Variants in ATP9A observed in about 807,000 individuals in gnomAD.
ATP9A encodes the protein probable phospholipid-transporting ATPase IIA.
ATP9A carries 52 observed loss-of-function variants against 144.1 expected under a neutral mutation model. That is an observed-to-expected ratio of 0.36 (90% CI 0.29 to 0.45). The LOEUF (loss-of-function observed/expected upper bound fraction) is 0.45. Among genes scored for constraint, ATP9A ranks in the 20% least tolerant of loss-of-function variants. The probability of loss-of-function intolerance (pLI) is 1.00; values close to 1 mark genes in which losing one functional copy is unlikely to be tolerated. For synonymous variants in ATP9A, 582 were observed against 557.4 expected (o/e 1.04, Z -0.62); for missense variants, 947 against 1,392.7 (o/e 0.68, Z 5.09).
chr20:51,638,949 G>C (rs937666156), intron 15 of ATP9A, among the ~76,000 whole-genome samples: 2 of 152,130 alleles, frequency 1.3e-5, no homozygotes, highest in Non-Finnish European at 2.9e-5. Flanking sequence ...TTTGAAACAT[G>C]AGGGAAGTGG....
rs542947732 is a variant in ATP9A, at chr20:51,696,829, T to C, written c.495+595A>G. Among the ~76,000 whole-genome samples, 65 of 152,334 alleles carry C rather than the reference T, an allele frequency of 4.3e-4. 1 individual carries two copies. The highest frequency in any genetic ancestry group is 4.2e-3 in the Admixed American group (64 of 15,300). On this transcript the variant is annotated intron_variant, in intron 5 of 27. Coordinates refer to ENST00000338821, the MANE Select transcript of ATP9A (RefSeq NM_006045.3). The stretch of plus-strand genomic sequence containing the variant: ...GACACAACCCTTTTCTAATCAAATA[T>C]TATTCCAAGCCTCTCCAGAGCCACC...
At position 51,601,170 on chromosome 20, in the gene ATP9A, G is replaced by A; in HGVS notation, c.*41C>T. On this transcript the variant is annotated 3_prime_UTR_variant, in exon 28 of 28. Transcript: ENST00000338821. The stretch of plus-strand genomic sequence containing the variant: ...ATGGAACTTGAGCTCTGTCCATCAG[G>A]GAAGCGCCAAGACCAGGGCCCCCTC... The A allele has an allele frequency of 6.5e-7, 1 of 1,549,262 alleles. No homozygotes were observed. The highest frequency in any genetic ancestry group is 8.7e-7 in the Non-Finnish European group (1 of 1,148,580).
chr20:51,756,856 A>G (rs1161601066), intron 1 of ATP9A, among the ~76,000 whole-genome samples: 2 of 152,148 alleles, frequency 1.3e-5, no homozygotes, highest in African/African-American at 4.8e-5. Context: ...AGCAAGAACA[A>G]TAGTCCAGAC....
At chr20:51,693,511 G>GT (rs879692847) in intron 7 of ATP9A, among the ~76,000 whole-genome samples, 315 of 147,288 alleles carry the variant, frequency 2.1e-3, no homozygotes, top group East Asian at 9.4e-3. Context: ...TTGGAGGGTT[G>GT]TTTTTTTTTT....
chr20:51,692,664 T>G (rs2077553437), intron 7 of ATP9A, among the ~76,000 whole-genome samples: 1 of 152,026 alleles, frequency 6.6e-6, no homozygotes, highest in African/African-American at 2.4e-5. Context: ...TAGCCGGGCG[T>G]GGTGGCGGGT....
intron 4 of ATP9A, 47 bp downstream of exon 4, chr20:51,712,919 C>G (rs1324951877): frequency 6.6e-7 from 1 of 1,508,464 alleles, no homozygotes; most frequent in Admixed American, 1.9e-5. Flanking sequence ...CTGTCAGCGG[C>G]CCGTGATTGA....
intron 14 of ATP9A, among the ~76,000 whole-genome samples, chr20:51,640,012 G>A (rs140679565): frequency 0.019 from 2,875 of 152,216 alleles, 38 homozygotes; most frequent in Non-Finnish European, 0.027. Flanking sequence ...CTTGAACCCA[G>A]GAGGCAGAGA....
At chr20:51,758,243 T>C (rs1022216286) in intron 1 of ATP9A, among the ~76,000 whole-genome samples, 1 of 152,192 alleles carries the variant, frequency 6.6e-6, no homozygotes, top group African/African-American at 2.4e-5. Flanking sequence ...AGAAAACAGA[T>C]ACTAGTTGTT....
At chr20:51,666,251 C>T (rs1373415330) in intron 13 of ATP9A, among the ~76,000 whole-genome samples, 1 of 152,172 alleles carries the variant, frequency 6.6e-6, no homozygotes, top group Non-Finnish European at 1.5e-5. Flanking sequence ...CTCAGTTTCA[C>T]AGCAGCTGTT....
chr20:51,708,510 G>A (rs553198421), intron 4 of ATP9A, among the ~76,000 whole-genome samples: 3 of 151,794 alleles, frequency 2.0e-5, no homozygotes, highest in South Asian at 4.2e-4. Context: ...CGAGGCGGGC[G>A]GGTCACTCGA....
intron 18 of ATP9A, among the ~76,000 whole-genome samples, chr20:51,623,632 T>C (rs1231294002): frequency 6.6e-6 from 1 of 151,690 alleles, no homozygotes; most frequent in Non-Finnish European, 1.5e-5. Context: ...TATCTAAATA[T>C]ACAAAATTAT....
At chr20:51,627,480 G>A in intron 17 of ATP9A, 120 bp downstream of exon 17, 1 of 905,910 alleles carries the variant, frequency 1.1e-6, no homozygotes. Context: ...CAACAACAGT[G>A]AACCCAGTGT....
At chr20:51,754,182 G>T (rs1159440985) in intron 1 of ATP9A, among the ~76,000 whole-genome samples, 1 of 152,074 alleles carries the variant, frequency 6.6e-6, no homozygotes, top group Non-Finnish European at 1.5e-5. Context: ...TAACCTATAT[G>T]TCTAAAACTC....
intron 21 of ATP9A, 118 bp downstream of exon 21, chr20:51,618,544 T>A (rs1407911413): frequency 7.1e-7 from 1 of 1,406,374 alleles, no homozygotes; most frequent in African/African-American, 1.5e-5. Context: ...AATCATGACC[T>A]GAACAAAGGG....
chr20:51,697,619 G>A, intron 4 of ATP9A, 137 bp from the exon 5 acceptor site: 1 of 696,516 alleles, frequency 1.4e-6, no homozygotes, highest in Non-Finnish European at 2.4e-6. Flanking sequence ...AGTGACTCCA[G>A]CACCATTATT....
intron 4 of ATP9A, among the ~76,000 whole-genome samples, chr20:51,709,910 C>G (rs902897306): frequency 6.6e-6 from 1 of 152,130 alleles, no homozygotes; most frequent in Non-Finnish European, 1.5e-5. Flanking sequence ...AAGGATGTAG[C>G]AGGTAGGTAA....
chr20:51,756,322 G>A (rs997723210), intron 1 of ATP9A, among the ~76,000 whole-genome samples: 5 of 148,514 alleles, frequency 3.4e-5, no homozygotes, highest in South Asian at 4.3e-4. Context: ...ATGGAGTCTC[G>A]CTCTGTCGCC....
chr20:51,747,773 G>A (rs1329887807), intron 1 of ATP9A, among the ~76,000 whole-genome samples: 1 of 151,888 alleles, frequency 6.6e-6, no homozygotes, highest in Non-Finnish European at 1.5e-5. Flanking sequence ...CTCGTGTGTT[G>A]ACCCACTCCC....
intron 3 of ATP9A, among the ~76,000 whole-genome samples, chr20:51,713,276 C>T (rs550233252): frequency 6.6e-6 from 1 of 152,264 alleles, no homozygotes; most frequent in East Asian, 1.9e-4. Context: ...CTCCCAAACA[C>T]AACCTGTAGA....
Sources: gnomAD v4.1 joint callset for allele counts (sites outside exome capture counted in the v4.1 genomes callset) on GRCh38, gnomAD v4.1.1 for gene constraint, MANE v1.5 for transcripts, NCBI Gene and HGNC (gene_info 2026-07-23, HGNC 2026-07-21) for gene names.